Variants in TRAPPC9 observed in about 807,000 individuals in gnomAD.
TRAPPC9 encodes the protein IKK2 binding protein.
A neutral mutation model predicts 124.0 loss-of-function variants in TRAPPC9; 83 were observed. The ratio of observed to expected loss-of-function variants is 0.67; its 90% CI spans 0.56 to 0.80. The LOEUF (loss-of-function observed/expected upper bound fraction) is 0.80, where lower values mean the gene tolerates loss of function less well. TRAPPC9 is among the 30% of genes least tolerant of loss of function. The probability of loss-of-function intolerance (pLI) is 0.00; values close to 1 mark genes in which losing one functional copy is unlikely to be tolerated. For missense variants in TRAPPC9, 1,302 were observed against 1,508.3 expected, an observed-to-expected ratio of 0.86 and a Z score of 2.27; for synonymous variants, 638 against 617.5, an observed-to-expected ratio of 1.03 and a Z score of -0.49.
At chr8:139,948,813 C>T (rs761677405) in intron 19 of TRAPPC9, among the ~76,000 whole-genome samples, 1 of 152,170 alleles carries the variant, frequency 6.6e-6, no homozygotes, top group Non-Finnish European at 1.5e-5. Context: ...CTCAGTGGCT[C>T]ACACCTGTAA....
intron 20 of TRAPPC9, chr8:139,908,609 A>T (rs1431512344): frequency 6.6e-6 from 1 of 152,180 alleles, no homozygotes; most frequent in Non-Finnish European, 1.5e-5. Context: ...CTTTGCCAGC[A>T]AACTTACCTG....
At chr8:139,815,253 C>T (rs1824748493) in intron 21 of TRAPPC9, among the ~76,000 whole-genome samples, 1 of 152,184 alleles carries the variant, frequency 6.6e-6, no homozygotes, top group Non-Finnish European at 1.5e-5. Context: ...TTCCCTGTGG[C>T]AGAAGGTGCG....
intron 20 of TRAPPC9, among the ~76,000 whole-genome samples, chr8:139,908,312 C>T (rs1244771914): frequency 6.6e-6 from 1 of 152,200 alleles, no homozygotes; most frequent in African/African-American, 2.4e-5. Context: ...CAGACCCATC[C>T]AGGACCGCCT....
At chr8:139,943,682 A>T (rs1834042498) in intron 19 of TRAPPC9, among the ~76,000 whole-genome samples, 1 of 152,234 alleles carries the variant, frequency 6.6e-6, no homozygotes, top group Non-Finnish European at 1.5e-5. Context: ...TTCAGGAAAG[A>T]ATAGGAAAAC....
intron 7 of TRAPPC9, among the ~76,000 whole-genome samples, chr8:140,396,545 C>T (rs1281253446): frequency 6.8e-6 from 1 of 147,290 alleles, no homozygotes; most frequent in Non-Finnish European, 1.5e-5. Flanking sequence ...CCCCTCTCTT[C>T]CTCTCCCTCC....
chr8:140,081,401 A>G (rs1843812683), intron 17 of TRAPPC9, among the ~76,000 whole-genome samples: 1 of 143,734 alleles, frequency 7.0e-6, no homozygotes, highest in South Asian at 2.2e-4. Flanking sequence ...GCTGGAGTGC[A>G]GTGGCACAGT....
intron 4 of TRAPPC9, among the ~76,000 whole-genome samples, chr8:140,430,762 T>C (rs764520877): frequency 6.6e-6 from 1 of 152,050 alleles, no homozygotes; most frequent in Non-Finnish European, 1.5e-5. Flanking sequence ...ACTCAGCCTC[T>C]TGAGTAGCTG....
chr8:139,855,119 G>C (rs1011529360), intron 21 of TRAPPC9, among the ~76,000 whole-genome samples: 1 of 152,182 alleles, frequency 6.6e-6, no homozygotes, highest in South Asian at 2.1e-4. Flanking sequence ...GAAGCCAATC[G>C]GGCCTACCTG....
At chr8:139,882,269 T>C (rs543366855) in intron 21 of TRAPPC9, among the ~76,000 whole-genome samples, 1 of 152,064 alleles carries the variant, frequency 6.6e-6, no homozygotes, top group South Asian at 2.1e-4. Context: ...ACGTGTGAGG[T>C]CGCCATGGGA....
At chr8:140,117,270 T>C (rs1044398687) in intron 17 of TRAPPC9, among the ~76,000 whole-genome samples, 1 of 152,164 alleles carries the variant, frequency 6.6e-6, no homozygotes, top group African/African-American at 2.4e-5. Context: ...CACCACACAG[T>C]AGTCATGTCT....
At chr8:140,352,425 T>G (rs1364745376) in intron 9 of TRAPPC9, among the ~76,000 whole-genome samples, 2 of 152,204 alleles carry the variant, frequency 1.3e-5, no homozygotes, top group Non-Finnish European at 2.9e-5. Context: ...TACCAGCAAG[T>G]CAGATTCGTG....
intron 16 of TRAPPC9, among the ~76,000 whole-genome samples, chr8:140,223,176 C>T (rs1193368977): frequency 1.3e-5 from 2 of 152,160 alleles, no homozygotes; most frequent in Admixed American, 1.3e-4. Context: ...TCCCCTCACT[C>T]CACCCCACAA....
intron 17 of TRAPPC9, among the ~76,000 whole-genome samples, chr8:140,116,134 G>A (rs968395611): frequency 2.0e-5 from 3 of 152,180 alleles, no homozygotes; most frequent in African/African-American, 7.2e-5. Flanking sequence ...GGTCAGGGGA[G>A]AGGCAGGGGC....
intron 1 of TRAPPC9, among the ~76,000 whole-genome samples, chr8:140,452,276 C>T (rs1361552107): frequency 1.3e-5 from 2 of 151,174 alleles, no homozygotes; most frequent in Non-Finnish European, 3.0e-5. Flanking sequence ...AAAAATTAGC[C>T]CGGCGTGGTG....
chr8:140,251,830 G>A (rs1483155423), intron 16 of TRAPPC9, among the ~76,000 whole-genome samples: 1 of 152,112 alleles, frequency 6.6e-6, no homozygotes, highest in East Asian at 1.9e-4. Flanking sequence ...CAGGAAGAGG[G>A]CCCTCCCTCA....
At chr8:139,751,982 A>G (rs916257282) in intron 21 of TRAPPC9, among the ~76,000 whole-genome samples, 4 of 149,370 alleles carry the variant, frequency 2.7e-5, no homozygotes, top group Non-Finnish European at 5.9e-5. Flanking sequence ...TCACACATCC[A>G]TCTTTGTCCG....
At chr8:140,075,633 T>C (rs1348114228) in intron 17 of TRAPPC9, among the ~76,000 whole-genome samples, 11 of 152,224 alleles carry the variant, frequency 7.2e-5, no homozygotes, top group Non-Finnish European at 1.5e-4. Flanking sequence ...GCATGTATAT[T>C]ATATGCACGT....
intron 17 of TRAPPC9, among the ~76,000 whole-genome samples, chr8:140,131,672 C>T (rs2061211760): frequency 6.6e-6 from 1 of 152,194 alleles, no homozygotes; most frequent in African/African-American, 2.4e-5. Context: ...GGTTCAAACC[C>T]AAGACCTGTT....
At chr8:140,355,696 G>A (rs888495548) in intron 9 of TRAPPC9, among the ~76,000 whole-genome samples, 2 of 152,230 alleles carry the variant, frequency 1.3e-5, no homozygotes, top group African/African-American at 4.8e-5. Flanking sequence ...TCGTGACCAT[G>A]TGAGGGAGAC....
Sources: gnomAD v4.1 joint callset for allele counts (sites outside exome capture counted in the v4.1 genomes callset) on GRCh38, gnomAD v4.1.1 for gene constraint, MANE v1.5 for transcripts, NCBI Gene and HGNC (gene_info 2026-07-23, HGNC 2026-07-21) for gene names.